ADAMTS9: variants seen among roughly 807,000 people sequenced by gnomAD.
ADAMTS9 encodes A disintegrin and metalloproteinase with thrombospondin motifs 9.
ADAMTS9 carries 107 observed loss-of-function variants against 257.1 expected under a neutral mutation model. The ratio of observed to expected loss-of-function variants is 0.42; its 90% confidence interval spans 0.36 to 0.49. ADAMTS9 has a LOEUF of 0.49. ADAMTS9 is among the 20% of genes least tolerant of loss of function. The pLI is 0.03. For missense variants in ADAMTS9, 2,353 were observed against 2,469.1 expected (o/e 0.95, Z 1.00); for synonymous variants, 982 against 880.9 (o/e 1.11, Z -2.03).
At chr3:64,567,612 A>C (rs1050710450) in intron 29 of ADAMTS9, among the ~76,000 whole-genome samples, 6 of 152,292 alleles carry the variant, frequency 3.9e-5, no homozygotes, top group Admixed American at 3.9e-4. Context: ...CAAGTTCAAT[A>C]GGGAAACTCA....
chr3:64,576,741 C>T (rs1229343008), intron 28 of ADAMTS9, among the ~76,000 whole-genome samples: 4 of 152,150 alleles, frequency 2.6e-5, no homozygotes, highest in East Asian at 1.9e-4. Context: ...TCCCCACTGC[C>T]CCCCAACACT....
chr3:64,561,324 T>TG (rs1454711372), intron 30 of ADAMTS9: 12 of 285,758 alleles, frequency 4.2e-5, no homozygotes, highest in Non-Finnish European at 7.7e-5. Context: ...TGTTAAAGTT[T>TG]TTTTTTTTTT....
chr3:64,681,244 G>A lies in ADAMTS9; in HGVS notation c.636C>T (p.Pro212=), dbSNP rs762295034. The change falls in exon 3 of 40, where the codon CCC becomes CCT. Residue 212 remains proline, a synonymous_variant. Coordinates refer to ENST00000498707, the MANE Select transcript of ADAMTS9 (RefSeq NM_182920.2). The stretch of plus-strand genomic sequence containing the variant: ...GCCTTCCTGTTGAGGGCTCTCTCTG[G>A]GGGGCGCTGCGCCTATAAATGATGT... The part of the protein sequence containing the change: ...KPHIIYRRSA[P]QREPSTGRHA... 6.2e-7 allele frequency: 1 copy of A among 1,613,938 alleles called. No homozygotes were observed. The highest frequency in any genetic ancestry group is 8.5e-7 in the Non-Finnish European group (1 of 1,179,926).
At chr3:64,643,371 A>G (rs1700705473) in intron 11 of ADAMTS9, among the ~76,000 whole-genome samples, 1 of 151,576 alleles carries the variant, frequency 6.6e-6, no homozygotes, top group Non-Finnish European at 1.5e-5. Flanking sequence ...ACTTAAATTA[A>G]TTTTAATATA....
Position 64,541,328 on chromosome 3 carries a change from A to G in ADAMTS9, c.5379T>C (p.Tyr1793=). The G allele has an allele frequency of 6.2e-7, 1 of 1,614,182 alleles. No individual in the cohort carries two copies. The highest frequency in any genetic ancestry group is 1.3e-5 in the African/African-American group (1 of 75,050). Residue 1793 remains tyrosine (Y), a synonymous_variant, in exon 35 of 40, where the codon TAT becomes TAC. Transcript: ENST00000498707. ...HGDSENFSEV[Y]GHRLHNPTEC... is the part of the protein sequence containing the mutation. ...GAGCCTGGCTCTCCTACCTGTGCCC[A>G]TAAACCTCGGAGAAATTCTCAGAGT...
chr3:64,658,522 T>C lies in ADAMTS9; in HGVS notation c.949A>G (p.Ile317Val). The C allele has an allele frequency of 6.2e-7, 1 of 1,612,274 alleles. No homozygotes were observed. The highest frequency in any genetic ancestry group is 8.5e-7 in the Non-Finnish European group (1 of 1,179,462). The change falls in exon 4 of 40, where the codon ATT (isoleucine) becomes GTT (valine). Residue 317 changes from isoleucine to valine, a missense_variant. Transcript: ENST00000498707. ...SYHGENLQHY[I>V]LTLMSIVASI... ...CTTACAATTGACATTAAAGTTAAAA[T>C]ATAGTGTTGAAGGTTTTCTCCATGG...
Position 64,550,892 on chromosome 3 carries a change from C to G in ADAMTS9, c.4869G>C (p.Glu1623Asp). The G allele has an allele frequency of 6.2e-7, 1 of 1,614,092 alleles. No individual in the cohort carries two copies. The highest frequency in any genetic ancestry group is 8.5e-7 in the Non-Finnish European group (1 of 1,179,994). ...EYVWITGEWS[E>D]CSVTCGKGYK... Reference sequence around the variant, plus strand: ...ATGGTTACAGTTCCCAGGACGGTACCTCTGACCATTCTCCTGTGATCCAGA... The same window carrying G: ...ATGGTTACAGTTCCCAGGACGGTACGTCTGACCATTCTCCTGTGATCCAGA... Residue 1623 changes from glutamate to aspartate, a missense_variant and splice_region_variant, in exon 31 of 40, where the codon GAG (glutamate) becomes GAC (aspartate). This residue lies in a region of ADAMTS9 where 1,402 missense variants were observed against 1,441.4 expected (regional missense o/e 0.97). Transcript: ENST00000498707.
At chr3:64,518,387 G>C (rs1158906438) in intron 39 of ADAMTS9, among the ~76,000 whole-genome samples, 3 of 152,160 alleles carry the variant, frequency 2.0e-5, no homozygotes, top group African/African-American at 7.2e-5. Context: ...CTTGAGGGAA[G>C]ATGCAGGTGG....
intron 39 of ADAMTS9, among the ~76,000 whole-genome samples, chr3:64,520,955 CTAAAT>C (rs1299884842): frequency 6.6e-6 from 1 of 151,952 alleles, no homozygotes; most frequent in Non-Finnish European, 1.5e-5. Context: ...GGAGACCTAA[CTAAAT>C]TAAAGAGCTT....
At position 64,649,724 on chromosome 3, in the gene ADAMTS9, C is replaced by A. The variant is rs775810732; in HGVS notation, c.1518G>T (p.Leu506Phe). ...LNEPESRPYP[L>F]PVQLPGILYN... ...AAAGGATGCCTGGCAGTTGGACAGGCAAAGGGTAGGGTCTGGATTCAGGTT... is the reference window on the plus strand; with the variant it reads ...AAAGGATGCCTGGCAGTTGGACAGGAAAAGGGTAGGGTCTGGATTCAGGTT... The change falls in exon 10 of 40, where the codon TTG becomes TTT. Residue 506 changes from leucine (L) to phenylalanine (F), a missense_variant. By Grantham distance (22) the Leu-to-Phe change is conservative. Coordinates refer to ENST00000498707, the MANE Select transcript of ADAMTS9 (RefSeq NM_182920.2). 1 of 1,613,960 alleles carries A rather than the reference C, an allele frequency of 6.2e-7. No homozygotes were observed. Among genetic ancestry groups the A allele is most frequent in the Non-Finnish European group, 8.5e-7 (1 of 1,179,968 alleles).
intron 19 of ADAMTS9, among the ~76,000 whole-genome samples, chr3:64,619,819 A>G (rs1423207722): frequency 2.0e-5 from 3 of 152,138 alleles, no homozygotes; most frequent in South Asian, 2.1e-4. Flanking sequence ...GCCTCAAGGA[A>G]TCTATCCACC....
chr3:64,519,493 A>T (rs2082822993), intron 39 of ADAMTS9, among the ~76,000 whole-genome samples: 1 of 152,146 alleles, frequency 6.6e-6, no homozygotes, highest in African/African-American at 2.4e-5. Context: ...AAAACACAAG[A>T]AAAAAAGAAA....
chr3:64,557,928 A>G (rs1233024114), intron 30 of ADAMTS9, among the ~76,000 whole-genome samples: 1 of 152,194 alleles, frequency 6.6e-6, no homozygotes, highest in Admixed American at 6.5e-5. Flanking sequence ...CATGGTATCA[A>G]GAAGGCCCCT....
intron 19 of ADAMTS9, among the ~76,000 whole-genome samples, chr3:64,617,621 G>T (rs1699993123): frequency 6.6e-6 from 1 of 151,962 alleles, no homozygotes; most frequent in Non-Finnish European, 1.5e-5. Flanking sequence ...TTACTAAGTA[G>T]AAACTGAGAA....
intron 28 of ADAMTS9, among the ~76,000 whole-genome samples, chr3:64,576,653 G>T (rs893769119): frequency 1.3e-5 from 2 of 152,192 alleles, no homozygotes; most frequent in African/African-American, 4.8e-5. Context: ...CCTGAGATTG[G>T]CAGGGAACAC....
chr3:64,612,567 A>C (rs981278295), intron 22 of ADAMTS9, among the ~76,000 whole-genome samples: 17 of 152,190 alleles, frequency 1.1e-4, no homozygotes, highest in Admixed American at 1.0e-3. Context: ...ATAGAGGCTA[A>C]AAGACTGAGT....
intron 22 of ADAMTS9, among the ~76,000 whole-genome samples, chr3:64,612,627 C>T (rs7635663): frequency 0.03 from 4,555 of 152,214 alleles, 213 homozygotes; most frequent in African/African-American, 0.1. Flanking sequence ...AGAGATTACG[C>T]AAGTGACAGC....
intron 38 of ADAMTS9, among the ~76,000 whole-genome samples, chr3:64,526,901 C>A (rs2106879905): frequency 6.6e-6 from 1 of 152,184 alleles, no homozygotes; most frequent in East Asian, 1.9e-4. Flanking sequence ...TGTAAATATC[C>A]ATCATAGCCT....
At chr3:64,604,379 C>A (rs752429131) in intron 23 of ADAMTS9, 48 bp from the exon 24 acceptor site, 2 of 1,344,650 alleles carry the variant, frequency 1.5e-6, no homozygotes, top group Non-Finnish European at 2.1e-6. Flanking sequence ...CAAGTCAATG[C>A]ACTTTCAAGG....
Sources: allele counts gnomAD v4.1 joint callset (sites outside exome capture counted in the v4.1 genomes callset), GRCh38; gene constraint gnomAD v4.1.1; regional missense constraint gnomAD v4.1.1; transcripts MANE v1.5; gene names NCBI Gene and HGNC (gene_info 2026-07-23, HGNC 2026-07-21).